The following CMIP variants were observed in gnomAD, a reference collection of about 807,000 sequenced individuals.
CMIP encodes the protein C-Maf-inducing protein.
CMIP carries 13 observed loss-of-function variants against 97.3 expected under a neutral mutation model. The ratio of observed to expected loss-of-function variants is 0.13; its 90% confidence interval spans 0.09 to 0.21. CMIP has a LOEUF of 0.21. Ranked by LOEUF, CMIP falls within the 10% of genes least tolerant of loss-of-function variation. The probability of loss-of-function intolerance (pLI) is 1.00; values close to 1 mark genes in which losing one functional copy is unlikely to be tolerated. For missense variants in CMIP, 847 were observed against 1,024.9 expected, an observed-to-expected ratio of 0.83 and a Z score of 2.37; for synonymous variants, 538 against 436.3, an observed-to-expected ratio of 1.23 and a Z score of -2.91.
intron 1 of CMIP, among the ~76,000 whole-genome samples, chr16:81,524,224 A>C (rs1436986653): frequency 6.6e-6 from 1 of 152,188 alleles, no homozygotes; most frequent in South Asian, 2.1e-4. Flanking sequence ...ACAGAGCTGG[A>C]TTCTCTCAAT....
chr16:81,567,515 T>G (rs1320926993), intron 1 of CMIP, among the ~76,000 whole-genome samples: 1 of 152,204 alleles, frequency 6.6e-6, no homozygotes, highest in East Asian at 1.9e-4. Context: ...CTGCACAACT[T>G]TGGGTAAGGG....
rs2092681268 is a variant in CMIP, at chr16:81,671,304, G to A, written c.930-662G>A. Reference sequence around the variant, plus strand: ...GTTGTGGTTTGCAAAATCTTGTCAGGTTAGGGCATTCTTAGTGACAGCAGC... The same window carrying A: ...GTTGTGGTTTGCAAAATCTTGTCAGATTAGGGCATTCTTAGTGACAGCAGC... On this transcript the variant is annotated intron_variant, in intron 8 of 20. Coordinates refer to ENST00000537098, the MANE Select transcript of CMIP (RefSeq NM_198390.3). 2.0e-5 allele frequency among the ~76,000 whole-genome samples: 3 copies of A among 152,182 alleles called. 1 individual carries two copies. The South Asian group carries it at 6.2e-4, about 32-fold the overall frequency.
chr16:81,645,416 C>T, intron 3 of CMIP: 7 of 1,484,462 alleles, frequency 4.7e-6, no homozygotes, highest in Non-Finnish European at 6.3e-6. Context: ...GCAGCAGCCC[C>T]TGCCTGGCGC....
At chr16:81,684,694 C>T (rs1405386254) in intron 10 of CMIP, among the ~76,000 whole-genome samples, 1 of 152,228 alleles carries the variant, frequency 6.6e-6, no homozygotes, top group Non-Finnish European at 1.5e-5. Flanking sequence ...TTCTAAGGCC[C>T]TCTTCATGGG....
rs922375665 is a variant in CMIP at position 81,660,477 on chromosome 16, G to A, written c.682-407G>A. Among the ~76,000 whole-genome samples the A allele has an allele frequency of 2.0e-5, 3 of 152,016 alleles. No individual in the cohort carries two copies. In the East Asian group the frequency reaches 5.8e-4, roughly 29 times the overall value. ...TTTGGTAGAGACGGAGTTTCCCTATGTTGGCCAGGCTGGTCTCCAACTCCT... is the reference window on the plus strand; with the variant it reads ...TTTGGTAGAGACGGAGTTTCCCTATATTGGCCAGGCTGGTCTCCAACTCCT... On this transcript the variant is annotated intron_variant, in intron 5 of 20. Coordinates refer to ENST00000537098, the MANE Select transcript of CMIP (RefSeq NM_198390.3).
chr16:81,483,592 T>TCCC (rs2089266181), intron 1 of CMIP, among the ~76,000 whole-genome samples: 5 of 145,676 alleles, frequency 3.4e-5, no homozygotes, highest in African/African-American at 1.3e-4. Context: ...CCTCTTCCTC[T>TCCC]TCCTCTTCCT....
chr16:81,636,151 G>T (rs935117986), intron 3 of CMIP, among the ~76,000 whole-genome samples: 1 of 150,994 alleles, frequency 6.6e-6, no homozygotes, highest in Non-Finnish European at 1.5e-5. Flanking sequence ...CGGGCCATGA[G>T]CCTTCCATGC....
chr16:81,481,972 G>A (rs1287792323), intron 1 of CMIP, among the ~76,000 whole-genome samples: 2 of 150,702 alleles, frequency 1.3e-5, no homozygotes, highest in African/African-American at 2.5e-5. Context: ...TCTGCCTCCC[G>A]GGTTCAGGTG....
At chr16:81,583,276 C>A (rs1018022131) in intron 1 of CMIP, among the ~76,000 whole-genome samples, 1 of 152,236 alleles carries the variant, frequency 6.6e-6, no homozygotes, top group Non-Finnish European at 1.5e-5. Flanking sequence ...GTGCGAATGT[C>A]CCCACCCTGT....
intron 3 of CMIP, among the ~76,000 whole-genome samples, chr16:81,626,812 T>TGG (rs1335002419): frequency 2.5e-5 from 3 of 120,416 alleles, no homozygotes; most frequent in South Asian, 3.0e-4. Flanking sequence ...TGTGTGTGTG[T>TGG]GTGTGGGGTG....
intron 1 of CMIP, among the ~76,000 whole-genome samples, chr16:81,553,688 C>T (rs1567575509): frequency 6.6e-6 from 1 of 152,254 alleles, no homozygotes; most frequent in Admixed American, 6.5e-5. Flanking sequence ...CCTCTCTTGG[C>T]CCTGCCAGAT....
At chr16:81,478,180 C>T (rs531672592) in intron 1 of CMIP, among the ~76,000 whole-genome samples, 13 of 152,252 alleles carry the variant, frequency 8.5e-5, no homozygotes, top group Admixed American at 7.2e-4. Flanking sequence ...GAAGGCTGGT[C>T]AGGGAGACAC....
chr16:81,563,770 G>A (rs1460188862), intron 1 of CMIP, among the ~76,000 whole-genome samples: 5 of 152,188 alleles, frequency 3.3e-5, no homozygotes. Flanking sequence ...GAGGTGCCCT[G>A]GGAGACAGAT....
chr16:81,612,580 G>A (rs907566684), intron 2 of CMIP, among the ~76,000 whole-genome samples: 2 of 152,172 alleles, frequency 1.3e-5, no homozygotes, highest in Non-Finnish European at 2.9e-5. Flanking sequence ...GCTTGGAAAA[G>A]GTCGCTCACA....
At chr16:81,456,859 G>T (rs1906580466) in intron 1 of CMIP, among the ~76,000 whole-genome samples, 1 of 152,176 alleles carries the variant, frequency 6.6e-6, no homozygotes, top group Non-Finnish European at 1.5e-5. Context: ...GGTCTACCCT[G>T]ACTGCACTGG....
intron 1 of CMIP, among the ~76,000 whole-genome samples, chr16:81,570,796 C>T (rs1170808913): frequency 2.0e-5 from 3 of 152,150 alleles, no homozygotes; most frequent in South Asian, 4.1e-4. Context: ...GCCTTTGGGT[C>T]GTTAGTCCTC....
At chr16:81,539,231 G>A (rs1293315457) in intron 1 of CMIP, among the ~76,000 whole-genome samples, 1 of 152,176 alleles carries the variant, frequency 6.6e-6, no homozygotes, top group Non-Finnish European at 1.5e-5. Flanking sequence ...CATCTCAATT[G>A]CACAGAAAAA....
chr16:81,692,609 T>C (rs956380364), intron 11 of CMIP, among the ~76,000 whole-genome samples: 4 of 152,214 alleles, frequency 2.6e-5, no homozygotes, highest in African/African-American at 9.6e-5. Context: ...CCCCATGTGC[T>C]GGCCTGGCCA....
intron 1 of CMIP, among the ~76,000 whole-genome samples, chr16:81,558,539 A>G (rs1438225261): frequency 6.6e-6 from 1 of 152,226 alleles, no homozygotes; most frequent in Non-Finnish European, 1.5e-5. Context: ...TGCCACACAC[A>G]GGACACCGCA....
Sources: allele counts gnomAD v4.1 joint callset (sites outside exome capture counted in the v4.1 genomes callset), GRCh38; gene constraint gnomAD v4.1.1; transcripts MANE v1.5; gene names NCBI Gene and HGNC (gene_info 2026-07-23, HGNC 2026-07-21).